The following ACOT1 variants were observed in gnomAD, a reference collection of about 807,000 sequenced individuals.
ACOT1 encodes the protein acyl-CoA thioesterase 1.
In ACOT1, 8 loss-of-function variants were observed where a neutral mutation model predicts 15.7. The observed-to-expected ratio is 0.51, with a 90% CI of 0.30 to 0.92. ACOT1 has a LOEUF of 0.92. Among genes scored for constraint, ACOT1 ranks in the 40% least tolerant of loss-of-function variants. The pLI is 0.06. For synonymous variants in ACOT1, 67 were observed against 241.2 expected, an observed-to-expected ratio of 0.28 and a Z score of 6.69; for missense variants, 151 against 539.4, an observed-to-expected ratio of 0.28 and a Z score of 7.13.
the ACOT1 span, among the ~76,000 whole-genome samples, chr14:73,503,825 C>T: frequency 2.0e-5 from 3 of 152,142 alleles, no homozygotes; most frequent in Non-Finnish European, 4.4e-5. Flanking sequence ...TGGTCAGAAA[C>T]TGCATGCTTA....
At chr14:73,498,437 C>CAAAAGGGAAGGT in the ACOT1 span, 2 of 1,100,884 alleles carry the variant, frequency 1.8e-6, no homozygotes, top group Non-Finnish European at 2.6e-6. Context: ...CAATACCTTC[C>CAAAAGGGAAGGT]CTTTTGGATG....
chr14:73,517,155 G>A, the ACOT1 span: 2 of 152,030 alleles, frequency 1.3e-5, no homozygotes, highest in African/African-American at 2.4e-5. Flanking sequence ...GTGCACACCT[G>A]TGGCCCTGAT....
chr14:73,503,186 A>G, the ACOT1 span, among the ~76,000 whole-genome samples: 1 of 152,078 alleles, frequency 6.6e-6, no homozygotes, highest in Non-Finnish European at 1.5e-5. Context: ...AGATATTACT[A>G]CCATTTACAG....
the ACOT1 span, among the ~76,000 whole-genome samples, chr14:73,511,849 C>G: frequency 6.6e-6 from 1 of 152,226 alleles, no homozygotes; most frequent in African/African-American, 2.4e-5. Context: ...AATCTCGTCT[C>G]TATTGCTGAT....
the ACOT1 span, chr14:73,522,478 C>G: frequency 3.1e-6 from 5 of 1,614,230 alleles, no homozygotes; most frequent in Non-Finnish European, 3.4e-6. Flanking sequence ...ATGCCCCAGG[C>G]CTTCGAGGAC....
the ACOT1 span, among the ~76,000 whole-genome samples, chr14:73,506,827 T>TTTTTTTTTTTTTTTTTTTTTG: frequency 1.6e-5 from 2 of 122,968 alleles, no homozygotes; most frequent in South Asian, 2.5e-4. Context: ...TTTTTTTTTC[T>TTTTTTTTTTTTTTTTTTTTTG]GAGAAGGTTG....
At chr14:73,536,986 GTTT>G (rs544641623), upstream of ACOT1, 531 of 77,478 alleles carry the variant, frequency 6.9e-3, 111 homozygotes, top group African/African-American at 0.017. Context: ...GGTTGTTGTT[GTTT>G]TTTTTTTTTT....
At chr14:73,495,811 C>G in the ACOT1 span, among the ~76,000 whole-genome samples, 1 of 152,060 alleles carries the variant, frequency 6.6e-6, no homozygotes, top group Non-Finnish European at 1.5e-5. Context: ...ATTCCTTCAT[C>G]TTATCTAACA....
At chr14:73,508,808 A>T in the ACOT1 span, among the ~76,000 whole-genome samples, 1 of 150,756 alleles carries the variant, frequency 6.6e-6, no homozygotes, top group Middle Eastern at 3.5e-3. Flanking sequence ...GTGGCAGTGT[A>T]CCTGTTTTGT....
chr14:73,537,937 G>C lies in ACOT1; in HGVS notation c.457+59G>C. The C allele has an allele frequency of 6.6e-6, 4 of 609,342 alleles. 1 individual carries two copies. The highest frequency in any genetic ancestry group is 8.6e-6 in the Non-Finnish European group (4 of 465,140). The allele number at this position is 609,342 out of a possible 1,614,324, so 37.7% of individuals were successfully genotyped here. A position where few individuals can be genotyped will look rare whatever the true frequency, so the allele number is the denominator to read the frequency against. ...CATCCCTGTTCCTGCGCTTTCCACT[G>C]TGTGTGTGTGTGTGTCCCCTTCGCC... On this transcript the variant is annotated intron_variant, in intron 1 of 2. Transcript: ENST00000311148.
At chr14:73,499,231 A>AAAAT in the ACOT1 span, 1 of 1,140,778 alleles carries the variant, frequency 8.8e-7, no homozygotes, top group Non-Finnish European at 1.3e-6. Context: ...CTGTAATCCC[A>AAAAT]GCATTTTGGG....
upstream of ACOT1, among the ~76,000 whole-genome samples, chr14:73,534,852 A>C: frequency 1.9e-5 from 2 of 104,298 alleles, 1 homozygote; most frequent in Non-Finnish European, 4.1e-5. Context: ...CTGTTGCCCA[A>C]GCTGGTATCG....
At chr14:73,512,597 C>T in the ACOT1 span, among the ~76,000 whole-genome samples, 1 of 152,180 alleles carries the variant, frequency 6.6e-6, no homozygotes, top group African/African-American at 2.4e-5. Context: ...GTTATTCTTA[C>T]TGTTAAATGA....
At chr14:73,534,472 T>C (rs1457467391), upstream of ACOT1, among the ~76,000 whole-genome samples, 1 of 112,300 alleles carries the variant, frequency 8.9e-6, no homozygotes, top group African/African-American at 2.9e-5. Flanking sequence ...GTGGGAGGAT[T>C]GCTTAAGCCC....
the ACOT1 span, chr14:73,523,109 A>C: frequency 6.2e-7 from 1 of 1,609,008 alleles, no homozygotes; most frequent in Non-Finnish European, 8.5e-7. Flanking sequence ...TGACTGATAG[A>C]AGCAATGGGG....
the ACOT1 span, chr14:73,508,081 C>T: frequency 6.5e-7 from 1 of 1,548,744 alleles, no homozygotes; most frequent in Non-Finnish European, 8.9e-7. Context: ...TCACTGACCT[C>T]AAAGACCTAA....
chr14:73,511,650 G>A, the ACOT1 span, among the ~76,000 whole-genome samples: 1 of 152,144 alleles, frequency 6.6e-6, no homozygotes, highest in Admixed American at 6.5e-5. Flanking sequence ...TAAGGTGGGA[G>A]GATTACTTGA....
the ACOT1 span, chr14:73,492,471 T>C: frequency 5.6e-6 from 9 of 1,613,666 alleles, no homozygotes; most frequent in Admixed American, 1.7e-5. The surrounding 1 kb of genome is among the most constrained non-coding windows in gnomAD (Gnocchi z 4.9). Flanking sequence ...CGGGTCTTGG[T>C]TGCCCGCCTG....
chr14:73,522,546 C>G, the ACOT1 span: 1 of 1,614,170 alleles, frequency 6.2e-7, no homozygotes, highest in East Asian at 2.2e-5. Context: ...ACAGTGGCCT[C>G]CCACGCTCTG....
Sources: allele counts gnomAD v4.1 joint callset (sites outside exome capture counted in the v4.1 genomes callset), GRCh38; gene constraint gnomAD v4.1.1; non-coding constraint Gnocchi (gnomAD v3.1); transcripts MANE v1.5; gene names NCBI Gene and HGNC (gene_info 2026-07-23, HGNC 2026-07-21).